NIPAL2: variants seen among roughly 807,000 people sequenced by gnomAD.
NIPAL2 encodes the protein NIPA like domain containing 2, also known as NIPA-like protein 2.
In NIPAL2, 43 loss-of-function variants were observed where a neutral mutation model predicts 48.9. That is an observed-to-expected ratio of 0.88 (90% CI 0.69 to 1.13). The LOEUF (loss-of-function observed/expected upper bound fraction) is 1.13. NIPAL2 is among the 50% of genes most tolerant of loss of function. NIPAL2 has a pLI of 0.00. For missense variants in NIPAL2, 446 were observed against 461.4 expected (o/e 0.97, Z 0.31); for synonymous variants, 167 against 174.6 (o/e 0.96, Z 0.34).
intron 2 of NIPAL2, 122 bp from the exon 3 acceptor site, chr8:98,252,756 T>C (rs1813665065): frequency 2.4e-6 from 2 of 843,234 alleles, no homozygotes; most frequent in Non-Finnish European, 3.5e-6. Flanking sequence ...TGTATTTTTT[T>C]TTAAGAACGA....
chr8:98,262,553 G>C (rs552735529), intron 1 of NIPAL2, among the ~76,000 whole-genome samples: 1 of 150,826 alleles, frequency 6.6e-6, no homozygotes, highest in African/African-American at 2.4e-5. Context: ...TAATGGTAAA[G>C]GGATCAATTC....
intron 5 of NIPAL2, among the ~76,000 whole-genome samples, chr8:98,213,892 C>T: frequency 6.6e-6 from 1 of 152,188 alleles, no homozygotes; most frequent in East Asian, 1.9e-4. Flanking sequence ...TCTTGTCTGT[C>T]TTCCCTACTA....
intron 1 of NIPAL2, among the ~76,000 whole-genome samples, chr8:98,276,481 G>C (rs1815473644): frequency 6.6e-6 from 1 of 152,106 alleles, no homozygotes; most frequent in African/African-American, 2.4e-5. Flanking sequence ...GGACACCTTG[G>C]TTGCTTCCAA....
chr8:98,222,711 C>A, intron 4 of NIPAL2, 111 bp from the exon 5 acceptor site: 2 of 1,004,066 alleles, frequency 2.0e-6, no homozygotes, highest in Admixed American at 2.1e-5. Context: ...AATCGCCCCT[C>A]CCTATTATAC....
chr8:98,234,526 T>A (rs75559551), intron 4 of NIPAL2, among the ~76,000 whole-genome samples: 2,784 of 152,180 alleles, frequency 0.018, 78 homozygotes, highest in African/African-American at 0.063. Flanking sequence ...TAATTTTTAG[T>A]TTATAAAACT....
At chr8:98,280,339 C>T (rs1901364) in intron 1 of NIPAL2, among the ~76,000 whole-genome samples, 8,907 of 152,200 alleles carry the variant, frequency 0.059, 865 homozygotes, top group African/African-American at 0.2. Context: ...ACTGGAATAA[C>T]GCTTTGTATG....
At chr8:98,236,274 C>G in intron 3 of NIPAL2, 60 bp from the exon 4 acceptor site, 1 of 1,191,534 alleles carries the variant, frequency 8.4e-7, no homozygotes, top group South Asian at 1.3e-5. Flanking sequence ...TACGCAATGC[C>G]ATTTGAAAGA....
chr8:98,286,752 C>T (rs569264470), intron 1 of NIPAL2, among the ~76,000 whole-genome samples: 9 of 146,174 alleles, frequency 6.2e-5, no homozygotes, highest in South Asian at 2.2e-4. Context: ...GAGGTTGCAG[C>T]GAGCTGAGAT....
intron 1 of NIPAL2, among the ~76,000 whole-genome samples, chr8:98,256,822 A>C (rs1035024554): frequency 9.8e-5 from 15 of 152,320 alleles, no homozygotes; most frequent in South Asian, 8.3e-4. Flanking sequence ...AACTCAAAAC[A>C]GGGATTTGAA....
intron 3 of NIPAL2, among the ~76,000 whole-genome samples, chr8:98,238,460 A>T (rs1812826917): frequency 2.6e-5 from 4 of 152,176 alleles, no homozygotes; most frequent in Admixed American, 2.6e-4. Context: ...CATAGACATA[A>T]TTTTAATGTT....
In NIPAL2 at chr8:98,205,197, A is replaced by T. The variant is rs747491581; in HGVS notation, c.705T>A (p.Phe235Leu). ...SVKAVSGMIT[F>L]SVMDKMQLTY... Reference sequence around the variant, plus strand: ...TTAGTTGCATTTTATCCATCACAGAAAAAGTGATCATGCCTGAGACGGCCT... The same window carrying T: ...TTAGTTGCATTTTATCCATCACAGATAAAGTGATCATGCCTGAGACGGCCT... Residue 235 changes from phenylalanine to leucine, a missense_variant, in exon 7 of 11, where the codon TTT (phenylalanine) becomes TTA (leucine). Transcript: ENST00000430223. 1 of 1,613,682 alleles carries T rather than the reference A, an allele frequency of 6.2e-7. No individual in the cohort carries two copies. Among genetic ancestry groups the T allele is most frequent in the South Asian group, 1.1e-5 (1 of 91,072 alleles).
chr8:98,194,206 G>A (rs1298714948), intron 10 of NIPAL2, among the ~76,000 whole-genome samples: 1 of 152,156 alleles, frequency 6.6e-6, no homozygotes, highest in Non-Finnish European at 1.5e-5. Context: ...ATGACTAGGC[G>A]AGTTATTTCT....
intron 3 of NIPAL2, 98 bp from the exon 4 acceptor site, chr8:98,236,312 A>C: frequency 1.3e-6 from 1 of 766,564 alleles, no homozygotes; most frequent in Non-Finnish European, 2.2e-6. Flanking sequence ...CTTATGCCTG[A>C]TGAGCTATGT....
chr8:98,201,876 T>C lies in NIPAL2; in HGVS notation c.880+1232A>G, dbSNP rs570147229. ...AAAGAACTACCCACTGACAGTCACA[T>C]TGTTTTCCATAAAATGAAAAAAAAA... On this transcript the variant is annotated intron_variant, in intron 8 of 10. Transcript: ENST00000430223. 1.8e-3 allele frequency among the ~76,000 whole-genome samples: 279 copies of C among 152,286 alleles called. 2 individuals carry two copies. Among genetic ancestry groups the C allele is most frequent in the Non-Finnish European group, 3.0e-3 (207 of 68,030 alleles).
At chr8:98,241,470 A>G (rs372534846) in intron 3 of NIPAL2, among the ~76,000 whole-genome samples, 1 of 152,236 alleles carries the variant, frequency 6.6e-6, no homozygotes, top group African/African-American at 2.4e-5. Context: ...TGATTTTACA[A>G]TATCTATCAA....
intron 5 of NIPAL2, chr8:98,216,919 T>C: frequency 4.5e-6 from 2 of 445,224 alleles, no homozygotes; most frequent in African/African-American, 2.1e-5. Flanking sequence ...CAAATAAGCC[T>C]GGGCATGTAG....
At chr8:98,293,953 G>T in intron 1 of NIPAL2, 50 bp downstream of exon 1, 3 of 1,368,166 alleles carry the variant, frequency 2.2e-6, no homozygotes, top group South Asian at 3.4e-5. Flanking sequence ...GGAGCCAGCC[G>T]CCCTGGCCGC....
intron 8 of NIPAL2, 75 bp downstream of exon 8, chr8:98,203,033 T>C: frequency 8.7e-7 from 1 of 1,155,322 alleles, no homozygotes; most frequent in Non-Finnish European, 1.3e-6. Context: ...TAAAGATTTC[T>C]GGATTCTCTC....
intron 3 of NIPAL2, among the ~76,000 whole-genome samples, chr8:98,251,968 T>C (rs1355577018): frequency 5.9e-5 from 9 of 152,204 alleles, no homozygotes; most frequent in Non-Finnish European, 5.9e-5. Context: ...GTAAATTACA[T>C]AAAATTTCAA....
Sources: allele counts gnomAD v4.1 joint callset (sites outside exome capture counted in the v4.1 genomes callset), GRCh38; gene constraint gnomAD v4.1.1; transcripts MANE v1.5; gene names NCBI Gene and HGNC (gene_info 2026-07-23, HGNC 2026-07-21).